Variants in PCDHA11 observed in about 807,000 individuals in gnomAD.
PCDHA11 encodes the protein protocadherin alpha 11, also known as protocadherin alpha-11.
A neutral mutation model predicts 70.3 loss-of-function variants in PCDHA11; 61 were observed. The observed-to-expected ratio is 0.87, with a 90% CI of 0.71 to 1.07. PCDHA11 has a LOEUF of 1.07. Among genes scored for constraint, PCDHA11 ranks in the 50% least tolerant of loss-of-function variants. The pLI is 0.00. For synonymous variants in PCDHA11, 633 were observed against 555.1 expected (o/e 1.14, Z -1.97); for missense variants, 1,324 against 1,237.5 (o/e 1.07, Z -1.05).
At chr5:140,917,374 C>T (rs1378508006) in intron 1 of PCDHA11, among the ~76,000 whole-genome samples, 1 of 151,778 alleles carries the variant, frequency 6.6e-6, no homozygotes, top group East Asian at 1.9e-4. Flanking sequence ...CTTGCTCCAC[C>T]TCAATAGTCT....
At chr5:140,942,681 A>G (rs1554215168) in intron 1 of PCDHA11, among the ~76,000 whole-genome samples, 1 of 152,206 alleles carries the variant, frequency 6.6e-6, no homozygotes, top group African/African-American at 2.4e-5. Flanking sequence ...AGTTTTAGGA[A>G]TAACTTTAAT....
chr5:140,871,598 G>A (rs2053214620), intron 1 of PCDHA11, 104 bp downstream of exon 1: 1 of 1,452,006 alleles, frequency 6.9e-7, no homozygotes, highest in African/African-American at 1.4e-5. Flanking sequence ...TGAATAACCA[G>A]TGTTTTGAAT....
Position 140,993,501 on chromosome 5 carries a change from C to T in PCDHA11, c.2539+10938C>T, listed in dbSNP as rs560043353. Among the ~76,000 whole-genome samples, 25 of 149,100 alleles carry T rather than the reference C, an allele frequency of 1.7e-4. No homozygotes were observed. The East Asian group carries it at 3.5e-3, about 21-fold the overall frequency. ...ACACACACACACACACACACACACA[C>T]ACACACACGGGGAGAGAGAGACAGA... On this transcript the variant is annotated intron_variant, in intron 3 of 3. Transcript: ENST00000398640.
At chr5:140,880,233 T>C (rs1040125802) in intron 1 of PCDHA11, among the ~76,000 whole-genome samples, 1 of 152,046 alleles carries the variant, frequency 6.6e-6, no homozygotes, top group African/African-American at 2.4e-5. Context: ...TTTAAATTAG[T>C]GTATGTGCGT....
intron 1 of PCDHA11, among the ~76,000 whole-genome samples, chr5:140,971,291 C>T (rs541777110): frequency 1.1e-4 from 17 of 152,164 alleles, no homozygotes; most frequent in Admixed American, 3.3e-4. Flanking sequence ...TTAATATGTA[C>T]TTTGGTACAC....
chr5:140,939,269 A>G (rs1167199684), intron 1 of PCDHA11, among the ~76,000 whole-genome samples: 1 of 152,070 alleles, frequency 6.6e-6, no homozygotes, highest in Non-Finnish European at 1.5e-5. Flanking sequence ...CTTTTATGAG[A>G]GCTGTGCCCT....
chr5:140,986,625 C>T (rs1312536887), intron 3 of PCDHA11, among the ~76,000 whole-genome samples: 2 of 152,122 alleles, frequency 1.3e-5, no homozygotes, highest in African/African-American at 4.8e-5. Flanking sequence ...TTACCTAAGG[C>T]AACAGTACAT....
intron 1 of PCDHA11, among the ~76,000 whole-genome samples, chr5:140,890,087 A>G (rs1284769572): frequency 6.6e-6 from 1 of 152,170 alleles, no homozygotes; most frequent in African/African-American, 2.4e-5. Context: ...TGATAATGCA[A>G]ATTTATTCCC....
At chr5:140,953,952 C>G (rs1025145135) in intron 1 of PCDHA11, among the ~76,000 whole-genome samples, 1 of 152,084 alleles carries the variant, frequency 6.6e-6, no homozygotes, top group Non-Finnish European at 1.5e-5. Flanking sequence ...GCTCCCCCAA[C>G]AGGCCCCAGT....
At chr5:140,928,634 C>G in intron 1 of PCDHA11, 1 of 1,614,216 alleles carries the variant, frequency 6.2e-7, no homozygotes, top group Non-Finnish European at 8.5e-7. Flanking sequence ...CACTTGGTCA[C>G]AAAAGTGGTA....
chr5:140,995,466 T>A (rs1325738929), intron 3 of PCDHA11, among the ~76,000 whole-genome samples: 1 of 152,196 alleles, frequency 6.6e-6, no homozygotes, highest in Non-Finnish European at 1.5e-5. Flanking sequence ...ATTTTTGAAA[T>A]TTTTCATTTA....
intron 1 of PCDHA11, chr5:140,883,784 A>G (rs2059818732): frequency 3.7e-6 from 6 of 1,612,354 alleles, no homozygotes; most frequent in Non-Finnish European, 4.2e-6. Context: ...TGCGCTGTCG[A>G]GCTACGTGTC....
chr5:140,924,901 A>AAAAAAT (rs369245222), intron 1 of PCDHA11, among the ~76,000 whole-genome samples: 13 of 80,502 alleles, frequency 1.6e-4, no homozygotes, highest in East Asian at 1.6e-3. Flanking sequence ...TCTCAAAAAA[A>AAAAAAT]AAAATAAAAT....
intron 1 of PCDHA11, chr5:140,876,551 A>C: frequency 6.2e-7 from 1 of 1,614,184 alleles, no homozygotes; most frequent in Non-Finnish European, 8.5e-7. Flanking sequence ...CTCCCTGTGC[A>C]AGAGGATGCT....
At chr5:140,976,740 A>C (rs1425716353) in intron 1 of PCDHA11, among the ~76,000 whole-genome samples, 7 of 152,192 alleles carry the variant, frequency 4.6e-5, no homozygotes, top group African/African-American at 1.7e-4. Flanking sequence ...CACATTTTAA[A>C]AACCTCCCAG....
intron 1 of PCDHA11, chr5:140,876,038 G>C: frequency 6.2e-7 from 1 of 1,613,822 alleles, no homozygotes; most frequent in East Asian, 2.2e-5. Flanking sequence ...AAAGATAAAA[G>C]TATATTGCCT....
chr5:140,886,076 A>C (rs1554182342), intron 1 of PCDHA11, among the ~76,000 whole-genome samples: 3 of 152,198 alleles, frequency 2.0e-5, no homozygotes, highest in African/African-American at 7.2e-5. Flanking sequence ...GGGCCATACC[A>C]CAACCTGGAT....
intron 3 of PCDHA11, among the ~76,000 whole-genome samples, chr5:140,995,545 T>C (rs998594175): frequency 1.3e-5 from 2 of 152,206 alleles, no homozygotes; most frequent in Non-Finnish European, 2.9e-5. Flanking sequence ...TAAGGGGCGA[T>C]CACTGTACTG....
intron 1 of PCDHA11, among the ~76,000 whole-genome samples, chr5:140,910,954 G>A (rs183183329): frequency 3.4e-4 from 51 of 152,174 alleles, no homozygotes; most frequent in Admixed American, 7.2e-4. Flanking sequence ...CTTTTCGAGT[G>A]TAGCACACCT....
Sources: allele counts gnomAD v4.1 joint callset (sites outside exome capture counted in the v4.1 genomes callset), GRCh38; gene constraint gnomAD v4.1.1; transcripts MANE v1.5; gene names NCBI Gene and HGNC (gene_info 2026-07-23, HGNC 2026-07-21).